ZNF831: variants seen among roughly 807,000 people sequenced by gnomAD.
ZNF831 encodes the protein chromosome 20 open reading frame 174.
A neutral mutation model predicts 95.8 loss-of-function variants in ZNF831; 59 were observed. That is an observed-to-expected ratio of 0.62 (90% confidence interval 0.50 to 0.77). The LOEUF is 0.77. Ranked by LOEUF, ZNF831 falls within the 30% of genes least tolerant of loss-of-function variation. The probability of loss-of-function intolerance (pLI) is 0.00; values close to 1 mark genes in which losing one functional copy is unlikely to be tolerated. For missense variants in ZNF831, 2,205 were observed against 2,164.0 expected (o/e 1.02, Z -0.38); for synonymous variants, 961 against 925.5 (o/e 1.04, Z -0.70).
At chr20:59,174,950 T>C (rs529196334) in intron 1 of ZNF831, among the ~76,000 whole-genome samples, 2 of 152,330 alleles carry the variant, frequency 1.3e-5, no homozygotes, top group East Asian at 3.9e-4. Context: ...TTTTCATTTA[T>C]TTGCGAATAT....
Position 59,194,588 on chromosome 20 carries a change from G to C in ZNF831, c.3569G>C (p.Arg1190Pro), listed in dbSNP as rs754754083. Reference protein sequence around the residue: ...EPRLTWCCLSRSVPLPAEQKA... With the variant: ...EPRLTWCCLSPSVPLPAEQKA... Reference sequence around the variant, plus strand: ...CGGCTCACGTGGTGTTGCCTGAGCCGCAGTGTCCCTCTGCCCGCGGAGCAG... The same window carrying C: ...CGGCTCACGTGGTGTTGCCTGAGCCCCAGTGTCCCTCTGCCCGCGGAGCAG... The change falls in exon 2 of 6, where the codon CGC (arginine) becomes CCC (proline). Residue 1190 changes from arginine (R) to proline (P), a missense_variant. By Grantham distance (103) the Arg-to-Pro change is moderately radical. Transcript: ENST00000371030. 6.2e-7 allele frequency: 1 copy of C among 1,610,498 alleles called. No homozygotes were observed.
chr20:59,179,726 A>G (rs1184514023), intron 1 of ZNF831, among the ~76,000 whole-genome samples: 1 of 152,100 alleles, frequency 6.6e-6, no homozygotes, highest in African/African-American at 2.4e-5. Flanking sequence ...ACCATCAGTC[A>G]CTGGATTTAG....
intron 1 of ZNF831, among the ~76,000 whole-genome samples, chr20:59,126,920 G>C (rs1267073385): frequency 6.6e-6 from 1 of 152,188 alleles, no homozygotes; most frequent in Non-Finnish European, 1.5e-5. Context: ...GTAAGTGGTG[G>C]AGAGTGTGGC....
At chr20:59,146,312 G>C (rs893688529) in exon 2 of ZNF831, 1 of 152,212 alleles carries the variant, frequency 6.6e-6, no homozygotes, top group African/African-American at 2.4e-5. Flanking sequence ...CTGCCTCATC[G>C]GAGCCACCGG....
At chr20:59,183,395 C>T (rs1010462917) in intron 1 of ZNF831, among the ~76,000 whole-genome samples, 4 of 152,166 alleles carry the variant, frequency 2.6e-5, no homozygotes, top group African/African-American at 9.7e-5. Flanking sequence ...GTAAGTTAGG[C>T]AGGTGCTTTT....
At chr20:59,204,441 A>G (rs1458492411) in intron 3 of ZNF831, among the ~76,000 whole-genome samples, 2 of 152,180 alleles carry the variant, frequency 1.3e-5, no homozygotes, top group African/African-American at 4.8e-5. Flanking sequence ...CACGTTGGCC[A>G]CAGCCCCAGA....
intron 4 of ZNF831, among the ~76,000 whole-genome samples, chr20:59,216,534 C>T (rs1257895289): frequency 6.6e-6 from 1 of 152,216 alleles, no homozygotes; most frequent in African/African-American, 2.4e-5. Context: ...TTCTAAGATT[C>T]TGGGACACTG....
chr20:59,207,042 CTT>C lies in ZNF831; in HGVS notation c.4014_4015del (p.Ser1339ArgfsTer31). 6.2e-7 allele frequency: 1 copy of C among 1,614,050 alleles called. No homozygotes were observed. Among genetic ancestry groups the C allele is most frequent in the Non-Finnish European group, 8.5e-7 (1 of 1,179,992 alleles). ...CCATGCAGGACCCCTGGGCAGACCT[CTT>C]CAGAAATAGCAGGTAATGCTCTCTT... On this transcript the variant is annotated frameshift_variant, in exon 4 of 6. Coordinates refer to ENST00000371030, the MANE Select transcript of ZNF831 (RefSeq NM_178457.3). LOFTEE classifies it high-confidence loss of function.
In ZNF831 at chr20:59,165,136, G is replaced by A. The variant is rs748570719; in HGVS notation, c.-37+929G>A. Reference sequence around the variant, plus strand: ...GATTTGCTTCCTTAGCTGTGCTTCCGCTGGGAAGCTGGGGAGGGTTGGTCC... The same window carrying A: ...GATTTGCTTCCTTAGCTGTGCTTCCACTGGGAAGCTGGGGAGGGTTGGTCC... On this transcript the variant is annotated intron_variant, in intron 1 of 5. Coordinates refer to ENST00000371030, the MANE Select transcript of ZNF831 (RefSeq NM_178457.3). Among the ~76,000 whole-genome samples the A allele has an allele frequency of 3.3e-5, 5 of 152,266 alleles. No individual in the cohort carries two copies. In the South Asian group the frequency reaches 1.0e-3, roughly 32 times the overall value.
intron 4 of ZNF831, among the ~76,000 whole-genome samples, chr20:59,235,676 C>G (rs906025118): frequency 2.0e-5 from 3 of 151,996 alleles, no homozygotes; most frequent in Non-Finnish European, 4.4e-5. Context: ...GAGGTGCTAC[C>G]TATAAAAAAA....
rs1400045856 is a variant in ZNF831, at chr20:59,194,735, G to A, written c.3716G>A (p.Gly1239Glu). The A allele has an allele frequency of 4.4e-6, 7 of 1,575,086 alleles. No homozygotes were observed. Among genetic ancestry groups the A allele is most frequent in the Non-Finnish European group, 6.0e-6 (7 of 1,162,394 alleles). Residue 1239 changes from glycine to glutamate, a missense_variant, in exon 2 of 6, where the codon GGA becomes GAA. Transcript: ENST00000371030. ...GGWTWTSPGEGGPAQMSKFSY... is the reference protein window; with the variant it reads ...GGWTWTSPGEEGPAQMSKFSY... ...TGGACCTGGACAAGCCCTGGAGAAG[G>A]AGGGCCGGCGCAGATGTCCAAGGTA...
At chr20:59,161,620 C>T (rs950962067), upstream of ZNF831, among the ~76,000 whole-genome samples, 4 of 152,150 alleles carry the variant, frequency 2.6e-5, no homozygotes, top group South Asian at 2.1e-4. Flanking sequence ...TTGTATATTC[C>T]GTGGTGTATA....
intron 2 of ZNF831, chr20:59,146,933 A>C (rs1979899339): frequency 6.6e-6 from 1 of 152,302 alleles, no homozygotes; most frequent in Non-Finnish European, 1.5e-5. Context: ...TGTGGAATGC[A>C]ACAGGCAGGG....
chr20:59,252,001 T>G (rs1987913068), intron 4 of ZNF831, among the ~76,000 whole-genome samples: 1 of 152,024 alleles, frequency 6.6e-6, no homozygotes, highest in African/African-American at 2.4e-5. Context: ...TGTGCTTGTG[T>G]GGGGGGTCAT....
At position 59,191,609 on chromosome 20, in the gene ZNF831, T is replaced by C. The variant is rs781553280; in HGVS notation, c.590T>C (p.Leu197Pro). 1 of 1,594,474 alleles carries C rather than the reference T, an allele frequency of 6.3e-7. No homozygotes were observed. The change falls in exon 2 of 6, where the codon CTC becomes CCC. Residue 197 changes from leucine (L) to proline (P), a missense_variant. Transcript: ENST00000371030. ...AAGCACAGGCGGACGCAGACGCACC[T>C]CAACAACTCCCGGCTGTCCTCAGAG... ...LYKHRRTQTH[L>P]NNSRLSSESE...
intron 4 of ZNF831, among the ~76,000 whole-genome samples, chr20:59,227,960 C>T (rs1409676843): frequency 6.6e-6 from 1 of 152,180 alleles, no homozygotes; most frequent in African/African-American, 2.4e-5. Flanking sequence ...TTAGGAAACA[C>T]TGGGCTTTCC....
chr20:59,202,431 C>T (rs1480055577), intron 3 of ZNF831, among the ~76,000 whole-genome samples: 7 of 150,386 alleles, frequency 4.7e-5, no homozygotes, highest in Admixed American at 4.6e-4. Flanking sequence ...TTTGCTCTCA[C>T]ATATGTTAAC....
At chr20:59,140,005 T>A (rs975656413) in intron 1 of ZNF831, among the ~76,000 whole-genome samples, 2 of 152,222 alleles carry the variant, frequency 1.3e-5, no homozygotes, top group African/African-American at 4.8e-5. Flanking sequence ...AAAATCTGTC[T>A]AATTAAGTCT....
upstream of ZNF831, among the ~76,000 whole-genome samples, chr20:59,163,051 G>GTGTGTGTA (rs1194739330): frequency 6.7e-6 from 1 of 149,852 alleles, no homozygotes; most frequent in African/African-American, 2.5e-5. Context: ...GTGTGTGTGT[G>GTGTGTGTA]TTGCTATTGT....
Sources: allele counts gnomAD v4.1 joint callset (sites outside exome capture counted in the v4.1 genomes callset), GRCh38; gene constraint gnomAD v4.1.1; transcripts MANE v1.5; gene names NCBI Gene and HGNC (gene_info 2026-07-23, HGNC 2026-07-21).